GASK1B: variants seen among roughly 807,000 people sequenced by gnomAD.
GASK1B encodes the protein Golgi-associated kinase 1B.
A neutral mutation model predicts 42.8 loss-of-function variants in GASK1B; 34 were observed. The observed-to-expected ratio is 0.79, with a 90% CI of 0.60 to 1.06. GASK1B has a LOEUF of 1.06. Ranked by LOEUF, GASK1B falls within the 50% of genes least tolerant of loss-of-function variation. The probability of loss-of-function intolerance (pLI) is 0.00; values close to 1 mark genes in which losing one functional copy is unlikely to be tolerated. For synonymous variants in GASK1B, 262 were observed against 259.1 expected (o/e 1.01, Z -0.11); for missense variants, 686 against 661.0 (o/e 1.04, Z -0.42).
rs1730431196 is a variant in GASK1B at position 158,125,854 on chromosome 4, A to C, written c.*1553T>G. 6.6e-6 allele frequency: 1 copy of C among 152,028 alleles called. No homozygotes were observed. The highest frequency in any genetic ancestry group is 1.5e-5 in the Non-Finnish European group (1 of 67,970). 9.4% of individuals were successfully genotyped at this position (152,028 alleles called of 1,614,324 possible). A position where few individuals can be genotyped will look rare whatever the true frequency, so the allele number is the denominator to read the frequency against. On this transcript the variant is annotated 3_prime_UTR_variant, in exon 5 of 5. Coordinates refer to ENST00000585682, the MANE Select transcript of GASK1B (RefSeq NM_001128424.2). ...CATCTTCTCTTATACTTAAAACATTATTTTGACATTTTGTTCTACAATTGT... is the reference window on the plus strand; with the variant it reads ...CATCTTCTCTTATACTTAAAACATTCTTTTGACATTTTGTTCTACAATTGT...
Position 158,171,025 on chromosome 4 carries a change from C to T in GASK1B, c.351G>A (p.Lys117=). ...TCACGGTGCCACGGATATTGGCCGG[C>T]TTGCTGCGCTTGGAGCGTAGGGTAA... ...VYITLRSKRS[K]PANIRGTVKP... The change falls in exon 2 of 5, where the codon AAG becomes AAA. Residue 117 remains lysine (K), a synonymous_variant. Transcript: ENST00000585682. 1.2e-6 allele frequency: 2 copies of T among 1,613,992 alleles called. No homozygotes were observed. Among genetic ancestry groups the T allele is most frequent in the Non-Finnish European group, 1.7e-6 (2 of 1,179,872 alleles).
chr4:158,128,133 A>G (rs1298644270), intron 4 of GASK1B, among the ~76,000 whole-genome samples: 1 of 152,190 alleles, frequency 6.6e-6, no homozygotes, highest in African/African-American at 2.4e-5. Flanking sequence ...AAATGAGATA[A>G]GATTCATTCA....
Position 158,127,401 on chromosome 4 carries a change from C to A in GASK1B, c.*6G>T, listed in dbSNP as rs546145731. 2.5e-6 allele frequency: 4 copies of A among 1,609,864 alleles called. No homozygotes were observed. The Admixed American group carries it at 5.0e-5, about 20-fold the overall frequency. ...TATCTAACACCCTAGCCAGAAGATT[C>A]TTTTGTCATTCATTCATAGGTAATA... is the stretch of plus-strand genomic sequence containing the variant. On this transcript the variant is annotated 3_prime_UTR_variant, in exon 5 of 5. Transcript: ENST00000585682.
Position 158,155,687 on chromosome 4 carries a change from G to A in GASK1B, c.1049C>T (p.Pro350Leu), listed in dbSNP as rs1269624900. ...TTCAGTACAACCCGATTCAGGCTTG[G>A]GTACTCGGCCATTCTGCCAGCATTT... ...KQKCWQNGRV[P>L]KPESGCTEIH... The change falls in exon 3 of 5, where the codon CCC becomes CTC. Residue 350 changes from proline (P) to leucine (L), a missense_variant. Pro to Leu is a moderately conservative substitution (Grantham distance 98, BLOSUM62 -3). Coordinates refer to ENST00000585682, the MANE Select transcript of GASK1B (RefSeq NM_001128424.2). The A allele has an allele frequency of 1.9e-6, 3 of 1,613,906 alleles. No homozygotes were observed. The highest frequency in any genetic ancestry group is 1.1e-5 in the South Asian group (1 of 91,074).
At chr4:158,140,419 CTT>C (rs1560780069) in intron 3 of GASK1B, among the ~76,000 whole-genome samples, 1 of 152,158 alleles carries the variant, frequency 6.6e-6, no homozygotes, top group African/African-American at 2.4e-5. Context: ...CCTTAACCCT[CTT>C]TGAATATACT....
chr4:158,134,709 T>A (rs1300070647), intron 3 of GASK1B, among the ~76,000 whole-genome samples: 1 of 152,192 alleles, frequency 6.6e-6, no homozygotes. Context: ...TTAGATATAT[T>A]TCCTTCTTCT....
chr4:158,143,347 A>G (rs1046362777), intron 3 of GASK1B, among the ~76,000 whole-genome samples: 1 of 152,204 alleles, frequency 6.6e-6, no homozygotes, highest in African/African-American at 2.4e-5. Flanking sequence ...TGTTCTAAAA[A>G]TTTAAACTTT....
intron 2 of GASK1B, among the ~76,000 whole-genome samples, chr4:158,165,735 G>T (rs189279559): frequency 5.9e-5 from 9 of 152,184 alleles, no homozygotes; most frequent in Admixed American, 2.6e-4. Context: ...CAGAAGCAAC[G>T]TGAGGAAACT....
chr4:158,129,723 A>G (rs1459456635), intron 4 of GASK1B, among the ~76,000 whole-genome samples: 1 of 152,136 alleles, frequency 6.6e-6, no homozygotes. Context: ...AGACTTGCTC[A>G]TGAGGTTTCC....
At chr4:158,149,204 CTTATA>C (rs2110975480) in intron 3 of GASK1B, among the ~76,000 whole-genome samples, 1 of 152,182 alleles carries the variant, frequency 6.6e-6, no homozygotes, top group African/African-American at 2.4e-5. Context: ...AAAATTAGAC[CTTATA>C]TTATGTCATC....
intron 3 of GASK1B, among the ~76,000 whole-genome samples, chr4:158,135,946 T>C (rs1730873665): frequency 6.6e-6 from 1 of 152,146 alleles, no homozygotes; most frequent in African/African-American, 2.4e-5. Context: ...CTTCTCTATG[T>C]AGACTATTGT....
chr4:158,170,320 C>G, intron 2 of GASK1B, 146 bp downstream of exon 2: 5 of 1,614,156 alleles, frequency 3.1e-6, no homozygotes, highest in Non-Finnish European at 4.2e-6. Context: ...GAATGCCAAG[C>G]GCATGGAAAG....
Position 158,127,190 on chromosome 4 carries a change from A to G in GASK1B, c.*217T>C, listed in dbSNP as rs1030020940. 5 of 396,838 alleles carry G rather than the reference A, an allele frequency of 1.3e-5. No individual in the cohort carries two copies. Among genetic ancestry groups the G allele is most frequent in the Non-Finnish European group, 9.0e-6 (2 of 222,740 alleles). 24.6% of individuals were successfully genotyped at this position (396,838 alleles called of 1,614,324 possible). On this transcript the variant is annotated 3_prime_UTR_variant, in exon 5 of 5. Transcript: ENST00000585682. ...ACATAGCATGATGTTAGAGAAAAAT[A>G]TAAACAAATATTTCTCAAGTAGTTT...
chr4:158,131,881 C>T (rs771132538), intron 3 of GASK1B, among the ~76,000 whole-genome samples: 21 of 152,098 alleles, frequency 1.4e-4, no homozygotes, highest in Non-Finnish European at 2.2e-4. Flanking sequence ...CTCTTTACCT[C>T]GAACACCTGG....
At chr4:158,170,064 ACTT>A (rs915120360) in intron 2 of GASK1B, 1 of 644,400 alleles carries the variant, frequency 1.6e-6, no homozygotes, top group Non-Finnish European at 2.6e-6. Context: ...ACTTTTAAAA[ACTT>A]CTACTTCCTC....
chr4:158,163,314 T>C (rs1231161874), intron 2 of GASK1B, among the ~76,000 whole-genome samples: 1 of 152,220 alleles, frequency 6.6e-6, no homozygotes, highest in East Asian at 1.9e-4. Context: ...CTCACGCCTG[T>C]AATCCCAGCA....
At chr4:158,168,924 T>C (rs931113387) in intron 2 of GASK1B, 1 of 152,158 alleles carries the variant, frequency 6.6e-6, no homozygotes, top group Non-Finnish European at 1.5e-5. Flanking sequence ...CCCACCAGCA[T>C]CTCCTTTCAC....
intron 2 of GASK1B, among the ~76,000 whole-genome samples, chr4:158,160,170 C>T (rs935440101): frequency 4.6e-5 from 7 of 152,100 alleles, no homozygotes; most frequent in African/African-American, 1.7e-4. Flanking sequence ...ACTTGAGTGG[C>T]ATCTTTGTTA....
intron 2 of GASK1B, among the ~76,000 whole-genome samples, chr4:158,163,400 C>T (rs765427829): frequency 6.6e-6 from 1 of 152,068 alleles, no homozygotes; most frequent in Non-Finnish European, 1.5e-5. Context: ...GAAACCCTGT[C>T]TCTACTAAAA....
Sources: gnomAD v4.1 joint callset for allele counts (sites outside exome capture counted in the v4.1 genomes callset) on GRCh38, gnomAD v4.1.1 for gene constraint, MANE v1.5 for transcripts, NCBI Gene and HGNC (gene_info 2026-07-23, HGNC 2026-07-21) for gene names.